ZFR: variants seen among roughly 807,000 people sequenced by gnomAD.
ZFR encodes the protein zinc finger RNA-binding protein.
ZFR carries 19 observed loss-of-function variants against 130.7 expected under a neutral mutation model. The observed-to-expected ratio is 0.15, with a 90% CI of 0.10 to 0.21. The LOEUF (loss-of-function observed/expected upper bound fraction) is 0.21, where lower values mean the gene tolerates loss of function less well. ZFR is among the 10% of genes least tolerant of loss of function. The pLI, the probability that ZFR is intolerant of heterozygous loss-of-function variation, is 1.00. For missense variants in ZFR, 872 were observed against 1,321.5 expected, an observed-to-expected ratio of 0.66 and a Z score of 5.27; for synonymous variants, 466 against 456.9, an observed-to-expected ratio of 1.02 and a Z score of -0.25.
In ZFR at chr5:32,406,901, G is replaced by A. The variant is rs769860979; in HGVS notation, c.905C>T (p.Ala302Val). ...AAAAAAAATA[A>V]WTGTTFTKKA... ...TTTAGTAAAGGTGGTCCCTGTCCAG[G>A]CAGCTGTTGCAGCAGCAGCAGCAGC... The change falls in exon 6 of 20, where the codon GCC becomes GTC. Residue 302 changes from alanine to valine, a missense_variant. Physicochemically the swap from Ala to Val is moderately conservative, Grantham distance 64. Transcript: ENST00000265069. The A allele has an allele frequency of 1.2e-6, 2 of 1,611,934 alleles. No homozygotes were observed. The highest frequency in any genetic ancestry group is 2.2e-5 in the South Asian group (2 of 90,678).
intron 6 of ZFR, 72 bp downstream of exon 6, chr5:32,406,702 G>T (rs757803273): frequency 3.9e-6 from 6 of 1,526,232 alleles, no homozygotes; most frequent in Non-Finnish European, 5.3e-6. Flanking sequence ...CTTTTAGTAG[G>T]CTCAGGAGTT....
chr5:32,385,659 G>A lies in ZFR; in HGVS notation c.2500-10C>T. On this transcript the variant is annotated splice_polypyrimidine_tract_variant and intron_variant, in intron 14 of 19. Coordinates refer to ENST00000265069, the MANE Select transcript of ZFR (RefSeq NM_016107.5). ...TCTCAGGGCTTATAACCTGTGTAAT[G>A]AAGATGATAAGAAACAAATTGGATC... 1.2e-6 allele frequency: 2 copies of A among 1,610,516 alleles called. No individual in the cohort carries two copies. Among genetic ancestry groups the A allele is most frequent in the Non-Finnish European group, 8.5e-7 (1 of 1,178,506 alleles).
At chr5:32,380,235 A>C in intron 15 of ZFR, 63 bp from the exon 16 acceptor site, 2 of 1,284,292 alleles carry the variant, frequency 1.6e-6, no homozygotes, top group Non-Finnish European at 2.3e-6. Context: ...TGAGCAAGAC[A>C]CTTCCTTAAG....
chr5:32,410,062 T>C (rs1340361064), intron 5 of ZFR, among the ~76,000 whole-genome samples: 1 of 152,242 alleles, frequency 6.6e-6, no homozygotes, highest in East Asian at 1.9e-4. Context: ...AAAAGTACTT[T>C]TACTAGGTCA....
chr5:32,367,396 C>G (rs1452532034), intron 17 of ZFR, among the ~76,000 whole-genome samples: 1 of 151,904 alleles, frequency 6.6e-6, no homozygotes, highest in African/African-American at 2.4e-5. Flanking sequence ...GATCACGCCA[C>G]TGCACTCCAG....
At chr5:32,433,131 T>C (rs1314305262) in intron 2 of ZFR, among the ~76,000 whole-genome samples, 1 of 151,544 alleles carries the variant, frequency 6.6e-6, no homozygotes, top group African/African-American at 2.4e-5. Context: ...GGTGGTTAAA[T>C]GTCGTATGAA....
chr5:32,444,383 C>T, intron 1 of ZFR, 55 bp from the exon 2 acceptor site: 2 of 1,503,430 alleles, frequency 1.3e-6, no homozygotes, highest in South Asian at 2.5e-5. Flanking sequence ...CACAGAGGAG[C>T]CGAGACGCCG....
chr5:32,433,101 T>C (rs1581716990), intron 2 of ZFR, among the ~76,000 whole-genome samples: 1 of 152,182 alleles, frequency 6.6e-6, no homozygotes, highest in East Asian at 1.9e-4. Flanking sequence ...ACTAGAATGG[T>C]GTAGACCACA....
chr5:32,427,655 G>C (rs1408705591), intron 2 of ZFR, among the ~76,000 whole-genome samples: 1 of 151,924 alleles, frequency 6.6e-6, no homozygotes, highest in African/African-American at 2.4e-5. Context: ...AATTCCTGTG[G>C]AATCTCAAGA....
chr5:32,371,740 C>T (rs1453378849), intron 17 of ZFR, among the ~76,000 whole-genome samples: 2 of 151,498 alleles, frequency 1.3e-5, no homozygotes, highest in Non-Finnish European at 2.9e-5. Context: ...ATCAGGAAAT[C>T]AGGAAAGAGC....
chr5:32,380,380 C>A (rs1226744015), intron 15 of ZFR: 2 of 419,444 alleles, frequency 4.8e-6, no homozygotes, highest in African/African-American at 2.0e-5. Context: ...ATATAATAAA[C>A]AATTTCTGGA....
chr5:32,431,552 C>CTG (rs1223518840), intron 2 of ZFR, among the ~76,000 whole-genome samples: 1 of 152,130 alleles, frequency 6.6e-6, no homozygotes, highest in Non-Finnish European at 1.5e-5. Flanking sequence ...AGAAAACATA[C>CTG]TGTGTGTGTG....
At position 32,395,175 on chromosome 5, in the gene ZFR, A is replaced by G. The variant is rs747285522; in HGVS notation, c.1963T>C (p.Trp655Arg). The G allele has an allele frequency of 4.4e-6, 7 of 1,601,908 alleles. No individual in the cohort carries two copies. Among genetic ancestry groups the G allele is most frequent in the Non-Finnish European group, 4.3e-6 (5 of 1,175,056 alleles). Reference sequence around the variant, plus strand: ...AGATATTACCTCATTTCCATTCTCCAACGCTCCTCTTCTTCTCGTCTTCGC... The same window carrying G: ...AGATATTACCTCATTTCCATTCTCCGACGCTCCTCTTCTTCTCGTCTTCGC... Reference protein sequence around the residue: ...YWRRREEEERWRMEMRRYEED... With the variant: ...YWRRREEEERRRMEMRRYEED... Residue 655 changes from tryptophan to arginine, a missense_variant, in exon 11 of 20, where the codon TGG (tryptophan) becomes CGG (arginine). This residue lies in a region of ZFR where 225 missense variants were observed against 282.4 expected (regional missense o/e 0.80). Transcript: ENST00000265069.
At chr5:32,410,283 CAAAAAAA>C (rs3065266) in intron 5 of ZFR, among the ~76,000 whole-genome samples, 2 of 113,114 alleles carry the variant, frequency 1.8e-5, no homozygotes, top group Non-Finnish European at 3.6e-5. Flanking sequence ...ACACTGTCTC[CAAAAAAA>C]AAAAAAAAAA....
chr5:32,370,319 G>A (rs1049613602), intron 17 of ZFR, among the ~76,000 whole-genome samples: 2 of 11,032 alleles, frequency 1.8e-4, no homozygotes, highest in South Asian at 1.6e-3. Flanking sequence ...GGGAGAGAGA[G>A]AGAGAGAGAG....
At chr5:32,379,264 C>A (rs755718568) in intron 16 of ZFR, 54 bp from the exon 17 acceptor site, 3 of 1,483,534 alleles carry the variant, frequency 2.0e-6, no homozygotes, top group Non-Finnish European at 2.8e-6. Context: ...CTGAATATAT[C>A]CCTTGATGAA....
intron 2 of ZFR, among the ~76,000 whole-genome samples, chr5:32,420,311 T>TA (rs1483143884): frequency 3.3e-5 from 5 of 152,052 alleles, no homozygotes; most frequent in South Asian, 2.1e-4. Flanking sequence ...CTTTTTTTTT[T>TA]AAATTTTCAT....
At chr5:32,433,077 A>G (rs961145226) in intron 2 of ZFR, among the ~76,000 whole-genome samples, 5 of 152,062 alleles carry the variant, frequency 3.3e-5, no homozygotes, top group Non-Finnish European at 7.4e-5. Flanking sequence ...TTATCCTACA[A>G]TTCCTACCAA....
chr5:32,395,083 G>A, intron 11 of ZFR, 76 bp downstream of exon 11: 1 of 1,456,878 alleles, frequency 6.9e-7, no homozygotes, highest in Non-Finnish European at 9.0e-7. Flanking sequence ...TTGAATGGGA[G>A]TCACATGCTC....
Sources: allele counts gnomAD v4.1 joint callset (sites outside exome capture counted in the v4.1 genomes callset), GRCh38; gene constraint gnomAD v4.1.1; regional missense constraint gnomAD v4.1.1; transcripts MANE v1.5; gene names NCBI Gene and HGNC (gene_info 2026-07-23, HGNC 2026-07-21).